HIBADH: variants seen among roughly 807,000 people sequenced by gnomAD.
HIBADH encodes 3-hydroxyisobutyrate dehydrogenase.
A neutral mutation model predicts 36.1 loss-of-function variants in HIBADH; 25 were observed. The ratio of observed to expected loss-of-function variants is 0.69; its 90% CI spans 0.50 to 0.97. HIBADH has a LOEUF of 0.97. Among genes scored for constraint, HIBADH ranks in the 50% least tolerant of loss-of-function variants. The pLI is 0.00. For missense variants in HIBADH, 421 were observed against 418.0 expected (o/e 1.01, Z -0.06); for synonymous variants, 160 against 149.5 (o/e 1.07, Z -0.51).
At chr7:27,550,516 ATG>A (rs1784303452) in intron 4 of HIBADH, among the ~76,000 whole-genome samples, 1 of 149,864 alleles carries the variant, frequency 6.7e-6, no homozygotes, top group African/African-American at 2.4e-5. Flanking sequence ...AGAATGTGCA[ATG>A]ATTTTTCATG....
rs543741112 is a variant in HIBADH, at chr7:27,633,756, C to T, written c.253-1311G>A. ...CTCTTCATTAAAAAAAGACAAAAGA[C>T]GATCAGGCAGATTATTGAGGATTTC... On this transcript the variant is annotated intron_variant, in intron 2 of 7. Coordinates refer to ENST00000265395, the MANE Select transcript of HIBADH (RefSeq NM_152740.4). Among the ~76,000 whole-genome samples, 23 of 152,140 alleles carry T rather than the reference C, an allele frequency of 1.5e-4. No homozygotes were observed. The South Asian group carries it at 4.4e-3, about 29-fold the overall frequency.
chr7:27,538,457 C>G, intron 5 of HIBADH, 40 bp from the exon 6 acceptor site: 1 of 1,552,400 alleles, frequency 6.4e-7, no homozygotes, highest in East Asian at 2.3e-5. Flanking sequence ...TCTGTATTTT[C>G]AAGGTAAAAC....
chr7:27,568,918 C>CA (rs549072307), intron 4 of HIBADH, among the ~76,000 whole-genome samples: 928 of 89,574 alleles, frequency 0.01, 12 homozygotes, highest in African/African-American at 0.042. Flanking sequence ...TTTTTTTTTC[C>CA]AAATTTTTTT....
At chr7:27,624,017 C>G (rs536798626) in intron 4 of HIBADH, among the ~76,000 whole-genome samples, 2 of 152,114 alleles carry the variant, frequency 1.3e-5, no homozygotes, top group Non-Finnish European at 2.9e-5. Context: ...AGGTTGGTGT[C>G]GAATGCCTGA....
At chr7:27,588,109 A>G (rs1388432704) in intron 4 of HIBADH, among the ~76,000 whole-genome samples, 1 of 152,194 alleles carries the variant, frequency 6.6e-6, no homozygotes, top group Non-Finnish European at 1.5e-5. Context: ...TACTCTGAAA[A>G]TAACAGTTAA....
chr7:27,589,012 G>A (rs1784903784), intron 4 of HIBADH, among the ~76,000 whole-genome samples: 1 of 152,176 alleles, frequency 6.6e-6, no homozygotes, highest in South Asian at 2.1e-4. Context: ...ACTCAAGTAT[G>A]TGAATAATAT....
chr7:27,661,613 C>CG (rs1161114386), intron 1 of HIBADH, among the ~76,000 whole-genome samples: 1 of 140,638 alleles, frequency 7.1e-6, no homozygotes, highest in Non-Finnish European at 1.5e-5. Context: ...AAAAAAAGGG[C>CG]GGGGGGCCAA....
chr7:27,620,568 T>A (rs73073106), intron 4 of HIBADH, among the ~76,000 whole-genome samples: 1 of 150,562 alleles, frequency 6.6e-6, no homozygotes, highest in Non-Finnish European at 1.5e-5. Context: ...TGTTCACAAA[T>A]GAAGAAGAAA....
intron 4 of HIBADH, among the ~76,000 whole-genome samples, chr7:27,626,605 A>G (rs1373408606): frequency 6.6e-6 from 1 of 152,188 alleles, no homozygotes; most frequent in Middle Eastern, 3.2e-3. Flanking sequence ...ACTCCCCAGA[A>G]TAATACTTAC....
chr7:27,638,969 G>A (rs1785907828), intron 2 of HIBADH, among the ~76,000 whole-genome samples: 1 of 152,118 alleles, frequency 6.6e-6, no homozygotes, highest in African/African-American at 2.4e-5. Flanking sequence ...CAGAGAAAAA[G>A]GAACATTTAT....
chr7:27,635,112 A>G (rs1209538296), intron 2 of HIBADH, among the ~76,000 whole-genome samples: 4 of 69,862 alleles, frequency 5.7e-5, no homozygotes, highest in African/African-American at 2.7e-4. Flanking sequence ...GTGTGTGTGT[A>G]TTTGGTACAT....
chr7:27,528,087 T>C (rs1298766339), intron 7 of HIBADH, among the ~76,000 whole-genome samples: 1 of 151,878 alleles, frequency 6.6e-6, no homozygotes, highest in Non-Finnish European at 1.5e-5. Context: ...GATGTTACTA[T>C]TGAAACTGTT....
At chr7:27,641,149 G>C (rs939717996) in intron 2 of HIBADH, among the ~76,000 whole-genome samples, 1 of 152,176 alleles carries the variant, frequency 6.6e-6, no homozygotes, top group Non-Finnish European at 1.5e-5. Context: ...CTCTGCCAGA[G>C]GTCAGGCCAC....
At chr7:27,565,106 T>G (rs1433021650) in intron 4 of HIBADH, among the ~76,000 whole-genome samples, 1 of 152,086 alleles carries the variant, frequency 6.6e-6, no homozygotes. Context: ...ATAGAGCTCT[T>G]ATGCTCCAAG....
intron 4 of HIBADH, among the ~76,000 whole-genome samples, chr7:27,553,283 CAGAAGATCT>C (rs1343644164): frequency 3.3e-5 from 5 of 152,150 alleles, no homozygotes; most frequent in Non-Finnish European, 5.9e-5. Flanking sequence ...TAGTTTTCTG[CAGAAGATCT>C]GCAGGGAGAA....
rs1380028362 is a variant in HIBADH at position 27,555,246 on chromosome 7, C to T, written c.485-12146G>A. Among the ~76,000 whole-genome samples, 19 of 150,470 alleles carry T rather than the reference C, an allele frequency of 1.3e-4. 1 individual carries two copies. Among genetic ancestry groups the T allele is most frequent in the Admixed American group, 1.1e-3 (16 of 15,106 alleles). On this transcript the variant is annotated intron_variant, in intron 4 of 7. Coordinates refer to ENST00000265395, the MANE Select transcript of HIBADH (RefSeq NM_152740.4). ...ATGGTGGTAATTTAAGTGGGGAGAA[C>T]TGTTCTTCCGGTTTCATGAGAACCA...
At position 27,543,115 on chromosome 7, in the gene HIBADH, GGTAAA is replaced by G; in HGVS notation, c.485-20_485-16del. The G allele has an allele frequency of 6.2e-7, 1 of 1,612,550 alleles. No homozygotes were observed. Among genetic ancestry groups the G allele is most frequent in the Non-Finnish European group, 8.5e-7 (1 of 1,179,206 alleles). On this transcript the variant is annotated splice_polypyrimidine_tract_variant and intron_variant, in intron 4 of 7. Transcript: ENST00000265395. Reference sequence around the variant, plus strand: ...AGCTCCTACACCTGAATCATTTGGGGGTAAAGGGATAGAAGCAAAAGAATATATTT... The same window carrying G: ...AGCTCCTACACCTGAATCATTTGGGGGGGATAGAAGCAAAAGAATATATTT...
chr7:27,612,951 T>C (rs1051883534), intron 4 of HIBADH, among the ~76,000 whole-genome samples: 1 of 139,670 alleles, frequency 7.2e-6, no homozygotes, highest in Non-Finnish European at 1.5e-5. Flanking sequence ...CAAAAAAATA[T>C]ATATATATTA....
At chr7:27,636,441 G>T (rs928671312) in intron 2 of HIBADH, among the ~76,000 whole-genome samples, 1 of 152,196 alleles carries the variant, frequency 6.6e-6, no homozygotes, top group African/African-American at 2.4e-5. Flanking sequence ...AAAGCGCTTT[G>T]TGCCTACATC....
Sources: allele counts gnomAD v4.1 joint callset (sites outside exome capture counted in the v4.1 genomes callset), GRCh38; gene constraint gnomAD v4.1.1; transcripts MANE v1.5; gene names NCBI Gene and HGNC (gene_info 2026-07-23, HGNC 2026-07-21).